Variants in C5orf22 observed in about 807,000 individuals in gnomAD.
C5orf22 encodes the protein UPF0489 protein C5orf22.
In C5orf22, 36 loss-of-function variants were observed where a neutral mutation model predicts 48.7. The ratio of observed to expected loss-of-function variants is 0.74; its 90% CI spans 0.57 to 0.98. C5orf22 has a LOEUF of 0.98. C5orf22 is among the 50% of genes least tolerant of loss of function. C5orf22 has a pLI of 0.00. For synonymous variants in C5orf22, 141 were observed against 180.8 expected (o/e 0.78, Z 1.76); for missense variants, 486 against 521.9 (o/e 0.93, Z 0.67).
chr5:31,545,825 C>A, intron 7 of C5orf22, 113 bp downstream of exon 7: 1 of 637,496 alleles, frequency 1.6e-6, no homozygotes, highest in Admixed American at 2.9e-5. Context: ...CCTGTGAAGT[C>A]TGAAACAATT....
chr5:31,538,111 T>C, intron 3 of C5orf22, 149 bp from the exon 4 acceptor site: 1 of 641,340 alleles, frequency 1.6e-6, no homozygotes, highest in East Asian at 2.5e-5. Context: ...TGAGGAATGC[T>C]ATTTCTACAG....
At chr5:31,552,567 A>G (rs553569312) in intron 8 of C5orf22, among the ~76,000 whole-genome samples, 13 of 152,314 alleles carry the variant, frequency 8.5e-5, no homozygotes, top group Admixed American at 3.9e-4. Flanking sequence ...TGCCTATTTC[A>G]TAGAGTTGCT....
intron 7 of C5orf22, among the ~76,000 whole-genome samples, chr5:31,546,109 A>G (rs1016809452): frequency 3.3e-5 from 5 of 152,218 alleles, no homozygotes; most frequent in Non-Finnish European, 7.3e-5. Flanking sequence ...TTCCGTTTGT[A>G]AAAACCACAA....
chr5:31,550,049 A>G (rs1266414018), intron 7 of C5orf22, among the ~76,000 whole-genome samples: 1 of 152,178 alleles, frequency 6.6e-6, no homozygotes, highest in Non-Finnish European at 1.5e-5. Context: ...CCATTATGAT[A>G]TGCCCTACAG....
In C5orf22 at chr5:31,553,151, T is replaced by A. The variant is rs1354517898; in HGVS notation, c.*249T>A. ...TCTTCCTTAAGTATTTTTTAGGGTT[T>A]TGTTTTTTTTTTTGTTTGTTTGTTT... On this transcript the variant is annotated 3_prime_UTR_variant, in exon 9 of 9. Transcript: ENST00000325366. 1 of 296,564 alleles carries A rather than the reference T, an allele frequency of 3.4e-6. No individual in the cohort carries two copies. Among genetic ancestry groups the A allele is most frequent in the Non-Finnish European group, 6.3e-6 (1 of 158,426 alleles). 18.4% of individuals were successfully genotyped at this position (296,564 alleles called of 1,614,324 possible).
rs556694790 is a variant in C5orf22 at position 31,534,528 on chromosome 5, TG to T, written c.227+112del. On this transcript the variant is annotated intron_variant, in intron 2 of 8. Transcript: ENST00000325366. ...TAAACTCATGGGTTTGGGGGTTTTT[TG>T]TTTGTCTTTTTGTCTTTTTCATTTT... The T allele has an allele frequency of 1.2e-4, 120 of 982,422 alleles. No individual in the cohort carries two copies. The African/African-American group carries it at 1.9e-3, about 15-fold the overall frequency. 60.9% of individuals were successfully genotyped at this position (982,422 alleles called of 1,614,324 possible).
At chr5:31,552,724 G>T (rs16901275) in intron 8 of C5orf22, 49 bp from the exon 9 acceptor site, 1 of 1,558,098 alleles carries the variant, frequency 6.4e-7, no homozygotes, top group Non-Finnish European at 8.8e-7. Context: ...CTCACAGTAT[G>T]ATTTTATCCT....
At chr5:31,552,636 G>C (rs1199045217) in intron 8 of C5orf22, 137 bp from the exon 9 acceptor site, 1 of 673,290 alleles carries the variant, frequency 1.5e-6, no homozygotes. Context: ...ACCTTCACTA[G>C]CTTTCAATTG....
intron 7 of C5orf22, among the ~76,000 whole-genome samples, chr5:31,551,047 A>G (rs182710303): frequency 7.0e-4 from 107 of 152,330 alleles, no homozygotes; most frequent in Non-Finnish European, 1.1e-3. Flanking sequence ...AGAAACTGTT[A>G]AGGAAAAAAT....
At chr5:31,538,200 T>C in intron 3 of C5orf22, 60 bp from the exon 4 acceptor site, 7 of 1,243,226 alleles carry the variant, frequency 5.6e-6, no homozygotes, top group Admixed American at 2.2e-5. Context: ...TGCCATACCA[T>C]AGTGAAATGT....
intron 4 of C5orf22, among the ~76,000 whole-genome samples, chr5:31,540,554 T>G (rs934327489): frequency 6.6e-6 from 1 of 152,214 alleles, no homozygotes; most frequent in African/African-American, 2.4e-5. Context: ...ATTAAAGATA[T>G]GTATATTTCC....
intron 4 of C5orf22, among the ~76,000 whole-genome samples, chr5:31,539,998 T>G (rs1159617628): frequency 2.6e-5 from 4 of 151,986 alleles, no homozygotes; most frequent in Admixed American, 2.6e-4. Context: ...CTGCAGTGAG[T>G]CGTGATCGCA....
rs535047024 is a variant in C5orf22 at position 31,553,154 on chromosome 5, T to G, written c.*252T>G. ...TCCTTAAGTATTTTTTAGGGTTTTG[T>G]TTTTTTTTTTGTTTGTTTGTTTGTT... On this transcript the variant is annotated 3_prime_UTR_variant, in exon 9 of 9. Transcript: ENST00000325366. 244 of 260,174 alleles carry G rather than the reference T, an allele frequency of 9.4e-4. 1 individual carries two copies. The highest frequency in any genetic ancestry group is 5.1e-3 in the Middle Eastern group (4 of 784). The allele number at this position is 260,174 out of a possible 1,614,324, so 16.1% of individuals were successfully genotyped here.
intron 6 of C5orf22, among the ~76,000 whole-genome samples, chr5:31,543,529 C>G (rs781573866): frequency 1.3e-5 from 2 of 151,892 alleles, no homozygotes; most frequent in Admixed American, 6.6e-5. Flanking sequence ...GAGATCGCAC[C>G]ACTGCTCTCC....
chr5:31,544,038 C>T (rs1299937804), intron 6 of C5orf22, among the ~76,000 whole-genome samples: 2 of 152,168 alleles, frequency 1.3e-5, no homozygotes, highest in African/African-American at 4.8e-5. Flanking sequence ...GAGCCAGACC[C>T]TCGGCATGGA....
Position 31,552,844 on chromosome 5 carries a change from G to T in C5orf22, c.1271G>T (p.Arg424Leu). The T allele has an allele frequency of 6.2e-7, 1 of 1,613,408 alleles. No homozygotes were observed. Among genetic ancestry groups the T allele is most frequent in the Non-Finnish European group, 8.5e-7 (1 of 1,179,522 alleles). Reference protein sequence around the residue: ...TIQEKVLNMLRALYGNLDLQV... With the variant: ...TIQEKVLNMLLALYGNLDLQV... Reference sequence around the variant, plus strand: ...CAAGAAAAGGTCCTCAATATGCTACGTGCCCTCTATGGAAATCTAGACCTC... The same window carrying T: ...CAAGAAAAGGTCCTCAATATGCTACTTGCCCTCTATGGAAATCTAGACCTC... The change falls in exon 9 of 9, where the codon CGT becomes CTT. Residue 424 changes from arginine to leucine, a missense_variant. Around this residue, in one of 3 missense-constraint regions of C5orf22, gnomAD observed 408 missense variants for 444.0 expected, o/e 0.92. Coordinates refer to ENST00000325366, the MANE Select transcript of C5orf22 (RefSeq NM_018356.3).
Position 31,540,955 on chromosome 5 carries a change from T to C in C5orf22, c.814T>C (p.Tyr272His), listed in dbSNP as rs200387067. The change falls in exon 5 of 9, where the codon TAC becomes CAC. Residue 272 changes from tyrosine (Y) to histidine (H), a missense_variant. Around this residue, in one of 3 missense-constraint regions of C5orf22, gnomAD observed 408 missense variants for 444.0 expected, o/e 0.92. Coordinates refer to ENST00000325366, the MANE Select transcript of C5orf22 (RefSeq NM_018356.3). ...PFKEMFTQEEYKILQELYQFK... is the reference protein window; with the variant it reads ...PFKEMFTQEEHKILQELYQFK... ...TTTTTGTTTTGTTTTCCAGGAAGAG[T>C]ACAAAATCTTACAAGAGCTGTACCA... 31 of 1,609,490 alleles carry C rather than the reference T, an allele frequency of 1.9e-5. No homozygotes were observed. The highest frequency in any genetic ancestry group is 2.6e-5 in the Non-Finnish European group (31 of 1,177,362).
Position 31,545,602 on chromosome 5 carries a change from G to C in C5orf22, c.993-44G>C. The stretch of plus-strand genomic sequence containing the variant: ...ATAATTTGCTATTATCATTTTAGTT[G>C]TGGTGGTTGTGATGTTTAATTGAGT... On this transcript the variant is annotated intron_variant, in intron 6 of 8. Transcript: ENST00000325366. 3.8e-6 allele frequency: 5 copies of C among 1,322,344 alleles called. No homozygotes were observed. In the South Asian group the frequency reaches 5.9e-5, roughly 16 times the overall value. 81.9% of individuals were successfully genotyped at this position (1,322,344 alleles called of 1,614,324 possible).
intron 2 of C5orf22, 105 bp downstream of exon 2, chr5:31,534,522 G>T (rs1028351586): frequency 2.9e-6 from 3 of 1,029,328 alleles, no homozygotes; most frequent in African/African-American, 1.6e-5. Context: ...GGGTTTGGGG[G>T]TTTTTTGTTT....
Sources: allele counts gnomAD v4.1 joint callset (sites outside exome capture counted in the v4.1 genomes callset), GRCh38; gene constraint gnomAD v4.1.1; regional missense constraint gnomAD v4.1.1; transcripts MANE v1.5; gene names NCBI Gene and HGNC (gene_info 2026-07-23, HGNC 2026-07-21).